The following LY96 variants were observed in gnomAD, a reference collection of about 807,000 sequenced individuals.
LY96 encodes lymphocyte antigen 96, also known as myeloid differentiation protein-2.
Under a neutral mutation model 18.9 loss-of-function variants are expected in LY96, and 18 were observed. The observed-to-expected ratio is 0.95, with a 90% CI of 0.66 to 1.41. The LOEUF (loss-of-function observed/expected upper bound fraction) is 1.41. Among genes scored for constraint, LY96 ranks in the 40% most tolerant of loss-of-function variants. The pLI, the probability that LY96 is intolerant of heterozygous loss-of-function variation, is 0.00. For synonymous variants in LY96, 66 were observed against 62.6 expected (o/e 1.06, Z -0.26); for missense variants, 175 against 182.4 (o/e 0.96, Z 0.23).
chr8:73,999,298 A>G lies in LY96; in HGVS notation c.113-5498A>G, dbSNP rs1178579271. Among the ~76,000 whole-genome samples, 4 of 151,684 alleles carry G rather than the reference A, an allele frequency of 2.6e-5. 1 individual carries two copies. In the South Asian group the frequency reaches 8.3e-4, roughly 32 times the overall value. On this transcript the variant is annotated intron_variant, in intron 1 of 4. Transcript: ENST00000284818. Reference sequence around the variant, plus strand: ...TTAATTTTTTTGAAACAAGATCTCAATCTGTTGCCCAGGATGGAGAGCAGT... The same window carrying G: ...TTAATTTTTTTGAAACAAGATCTCAGTCTGTTGCCCAGGATGGAGAGCAGT...
chr8:74,037,420 A>G, the LY96 span, among the ~76,000 whole-genome samples: 17 of 152,048 alleles, frequency 1.1e-4, no homozygotes, highest in African/African-American at 3.9e-4. Context: ...CTTGAGCCCA[A>G]GAATTCAAGA....
chr8:74,078,490 A>C, the LY96 span, among the ~76,000 whole-genome samples: 1 of 152,236 alleles, frequency 6.6e-6, no homozygotes, highest in Non-Finnish European at 1.5e-5. Context: ...TAGGATTCAC[A>C]GTATGCAGAT....
intron 2 of LY96, among the ~76,000 whole-genome samples, chr8:74,007,379 A>G (rs1362346064): frequency 2.6e-5 from 4 of 152,254 alleles, no homozygotes; most frequent in South Asian, 2.1e-4. Flanking sequence ...TGACATTTAT[A>G]TAACAAATTA....
chr8:73,993,495 T>G (rs1050749875), intron 1 of LY96, among the ~76,000 whole-genome samples: 8 of 152,146 alleles, frequency 5.3e-5, no homozygotes, highest in Non-Finnish European at 8.8e-5. Flanking sequence ...CAGGCTGGAG[T>G]GCAATGGCAT....
At chr8:74,054,153 G>A in the LY96 span, among the ~76,000 whole-genome samples, 2 of 152,132 alleles carry the variant, frequency 1.3e-5, no homozygotes, top group African/African-American at 4.8e-5. Flanking sequence ...TCAGGCTCCT[G>A]AGTAGCTGGG....
At chr8:74,060,776 C>T in the LY96 span, among the ~76,000 whole-genome samples, 1 of 152,256 alleles carries the variant, frequency 6.6e-6, no homozygotes, top group South Asian at 2.1e-4. Flanking sequence ...CTCCTGTATC[C>T]TAGGAGATTA....
At chr8:74,014,394 GA>G (rs60971901) in intron 3 of LY96, among the ~76,000 whole-genome samples, 29,684 of 112,606 alleles carry the variant, frequency 0.26, 3,578 homozygotes, top group African/African-American at 0.39. Flanking sequence ...AAAAAAAAAA[GA>G]AAAAAAAAAA....
the LY96 span, among the ~76,000 whole-genome samples, chr8:74,080,809 T>C: frequency 1.3e-5 from 2 of 152,178 alleles, no homozygotes; most frequent in South Asian, 4.1e-4. Flanking sequence ...AGCTCTTTGT[T>C]GACTCCTGGG....
chr8:74,043,488 T>G, the LY96 span, among the ~76,000 whole-genome samples: 54 of 152,164 alleles, frequency 3.5e-4, no homozygotes, highest in Non-Finnish European at 6.0e-4. Context: ...GCAGCAGTGG[T>G]GGGGGCACTG....
the LY96 span, among the ~76,000 whole-genome samples, chr8:74,079,356 T>A: frequency 6.6e-6 from 1 of 152,200 alleles, no homozygotes; most frequent in African/African-American, 2.4e-5. Flanking sequence ...TTTTTATATG[T>A]CTCTCTAAGT....
chr8:74,074,603 G>A, the LY96 span, among the ~76,000 whole-genome samples: 2 of 151,852 alleles, frequency 1.3e-5, no homozygotes, highest in African/African-American at 2.4e-5. Flanking sequence ...GTTTTTCTTC[G>A]TTTTTGATGT....
At chr8:74,052,682 C>T in the LY96 span, 1 of 152,146 alleles carries the variant, frequency 6.6e-6, no homozygotes, top group Non-Finnish European at 1.5e-5. Flanking sequence ...TCTAGAAATG[C>T]ACCTAGGAAG....
chr8:74,064,996 C>A, the LY96 span, among the ~76,000 whole-genome samples: 2 of 152,096 alleles, frequency 1.3e-5, no homozygotes, highest in African/African-American at 4.8e-5. Flanking sequence ...AAATTCTAAG[C>A]CCCCAACTGA....
chr8:74,081,429 AT>A, the LY96 span, among the ~76,000 whole-genome samples: 219 of 143,602 alleles, frequency 1.5e-3, no homozygotes, highest in African/African-American at 2.7e-3. Flanking sequence ...CTAATTTAAA[AT>A]TTTTTTTTTT....
intron 3 of LY96, among the ~76,000 whole-genome samples, chr8:74,017,175 T>A (rs1311447345): frequency 6.6e-6 from 1 of 152,174 alleles, no homozygotes; most frequent in East Asian, 1.9e-4. Context: ...GATGAATGGC[T>A]AACTAGAATA....
the LY96 span, among the ~76,000 whole-genome samples, chr8:74,049,973 G>T: frequency 6.6e-6 from 1 of 152,152 alleles, no homozygotes; most frequent in East Asian, 1.9e-4. Flanking sequence ...AGCTGTAATT[G>T]CACCACTGAA....
the LY96 span, among the ~76,000 whole-genome samples, chr8:74,060,748 T>A: frequency 1.3e-5 from 2 of 152,200 alleles, no homozygotes; most frequent in African/African-American, 4.8e-5. Flanking sequence ...GTCTGGTCAC[T>A]CCTTGCCCTC....
chr8:74,042,446 A>G, the LY96 span, among the ~76,000 whole-genome samples: 1 of 152,116 alleles, frequency 6.6e-6, no homozygotes, highest in African/African-American at 2.4e-5. Context: ...GCTTGAACCC[A>G]GGAGGTGGAG....
the LY96 span, among the ~76,000 whole-genome samples, chr8:74,064,379 G>A: frequency 6.6e-6 from 1 of 152,202 alleles, no homozygotes; most frequent in Admixed American, 6.5e-5. Flanking sequence ...TTCTAGTCAT[G>A]GGAGGCGGAT....
Sources: gnomAD v4.1 joint callset for allele counts (sites outside exome capture counted in the v4.1 genomes callset) on GRCh38, gnomAD v4.1.1 for gene constraint, MANE v1.5 for transcripts, NCBI Gene and HGNC (gene_info 2026-07-23, HGNC 2026-07-21) for gene names.